Variants in IL1RAPL1 observed in about 807,000 individuals in gnomAD.
The protein encoded by IL1RAPL1 is interleukin-1 receptor accessory protein-like 1.
IL1RAPL1 carries 3 observed loss-of-function variants against 48.4 expected under a neutral mutation model. That is an observed-to-expected ratio of 0.06 (90% CI 0.03 to 0.16). The LOEUF (loss-of-function observed/expected upper bound fraction) is 0.16. Ranked by LOEUF, IL1RAPL1 falls within the 10% of genes least tolerant of loss-of-function variation. IL1RAPL1 has a pLI of 1.00. For synonymous variants in IL1RAPL1, 185 were observed against 187.7 expected (o/e 0.99, Z 0.12); for missense variants, 349 against 530.6 (o/e 0.66, Z 3.36).
intron 3 of IL1RAPL1, among the ~76,000 whole-genome samples, chrX:29,344,616 G>C (rs1452491619): frequency 9.0e-6 from 1 of 111,474 alleles, no homozygotes; most frequent in African/African-American, 3.3e-5. Flanking sequence ...AACTTCTCCA[G>C]AGGTAACCAT....
At chrX:29,455,988 C>T (rs998943959) in intron 5 of IL1RAPL1, among the ~76,000 whole-genome samples, 4 of 110,197 alleles carry the variant, frequency 3.6e-5, no homozygotes, top group South Asian at 7.6e-4. Flanking sequence ...AGTGAAACAC[C>T]GAAAATTGGA....
At chrX:28,890,688 A>G (rs1922748977) in intron 2 of IL1RAPL1, among the ~76,000 whole-genome samples, 1 of 111,973 alleles carries the variant, frequency 8.9e-6, no homozygotes, top group Admixed American at 9.5e-5. Context: ...GGTACTTTCT[A>G]CAGAACCATT....
intron 3 of IL1RAPL1, among the ~76,000 whole-genome samples, chrX:29,383,995 T>C (rs1933744230): frequency 1.8e-5 from 2 of 112,360 alleles, no homozygotes; most frequent in African/African-American, 6.5e-5. Context: ...TTATTTGTAA[T>C]ATTTGCAAAT....
At chrX:29,809,274 T>TTC (rs1930328074) in intron 6 of IL1RAPL1, among the ~76,000 whole-genome samples, 1 of 101,297 alleles carries the variant, frequency 9.9e-6, no homozygotes, top group Non-Finnish European at 2.0e-5. Context: ...TTTTTTGCAT[T>TTC]TTTTTTTTTT....
chrX:29,548,615 G>A (rs1320390596), intron 5 of IL1RAPL1, among the ~76,000 whole-genome samples: 2 of 111,853 alleles, frequency 1.8e-5, no homozygotes, highest in African/African-American at 6.5e-5. Flanking sequence ...TTATCAGCAT[G>A]AATCTTTACT....
At chrX:29,782,887 C>CTTTTTTTTTTTTTTTTTTTT (rs1569167260) in intron 6 of IL1RAPL1, among the ~76,000 whole-genome samples, 2 of 59,856 alleles carry the variant, frequency 3.3e-5, no homozygotes, top group African/African-American at 1.3e-4. Flanking sequence ...TTGATCGTGA[C>CTTTTTTTTTTTTTTTTTTTT]ATTTTTTTTT....
At chrX:29,743,258 A>C (rs868759499) in intron 6 of IL1RAPL1, among the ~76,000 whole-genome samples, 12 of 107,294 alleles carry the variant, frequency 1.1e-4, no homozygotes, top group African/African-American at 4.0e-4. Context: ...ATATATCATA[A>C]ATTTCTATAT....
intron 2 of IL1RAPL1, among the ~76,000 whole-genome samples, chrX:29,158,890 CTTTTCTT>C (rs1929619167): frequency 1.1e-5 from 1 of 93,419 alleles, no homozygotes; most frequent in African/African-American, 4.8e-5. Flanking sequence ...CAACCTCTTT[CTTTTCTT>C]TTTTCTTTTC....
intron 2 of IL1RAPL1, among the ~76,000 whole-genome samples, chrX:29,276,485 G>T (rs1569596): frequency 0.027 from 3,000 of 110,351 alleles, 106 homozygotes; most frequent in African/African-American, 0.093. Flanking sequence ...TTAATTATCA[G>T]GGTTAAAAAT....
chrX:28,661,199 A>T (rs1392530238), intron 1 of IL1RAPL1, among the ~76,000 whole-genome samples: 2 of 112,279 alleles, frequency 1.8e-5, no homozygotes, highest in East Asian at 2.8e-4. Context: ...ATTTATTTTT[A>T]AAAAACTACC....
intron 5 of IL1RAPL1, among the ~76,000 whole-genome samples, chrX:29,517,935 T>C (rs1022944326): frequency 8.9e-6 from 1 of 112,020 alleles, no homozygotes; most frequent in African/African-American, 3.2e-5. Flanking sequence ...TGTTAAAATA[T>C]TGAAGATCTT....
At chrX:29,832,711 T>G (rs182349959) in intron 6 of IL1RAPL1, among the ~76,000 whole-genome samples, 3,053 of 106,333 alleles carry the variant, frequency 0.029, 118 homozygotes, top group African/African-American at 0.098. Context: ...TTTTGTTTTT[T>G]TTTTTTTTTG....
intron 5 of IL1RAPL1, among the ~76,000 whole-genome samples, chrX:29,405,014 A>G (rs1934038705): frequency 9.1e-6 from 1 of 109,675 alleles, no homozygotes; most frequent in African/African-American, 3.3e-5. Flanking sequence ...CCTGGGTTCA[A>G]GTAATTCTCC....
chrX:29,416,446 G>A (rs868703113), intron 5 of IL1RAPL1, among the ~76,000 whole-genome samples: 1 of 110,855 alleles, frequency 9.0e-6, no homozygotes, highest in Admixed American at 9.7e-5. Flanking sequence ...CGAGGCATGA[G>A]AATCACTTGA....
At position 29,727,914 on chromosome X, in the gene IL1RAPL1, A is replaced by G. The variant is rs889098636; in HGVS notation, c.778+59410A>G. Among the ~76,000 whole-genome samples the G allele has an allele frequency of 6.3e-5, 7 of 111,017 alleles. No individual in the cohort carries two copies. The Admixed American group carries it at 6.7e-4, about 11-fold the overall frequency. ...ACTACATTAAAAAAATGAGTCCACT[A>G]TTCTTATTCTTCTTCTTGTTATTTA... On this transcript the variant is annotated intron_variant, in intron 6 of 10. Coordinates refer to ENST00000378993, the MANE Select transcript of IL1RAPL1 (RefSeq NM_014271.4).
At chrX:29,560,202 G>A (rs1228374573) in intron 5 of IL1RAPL1, among the ~76,000 whole-genome samples, 1 of 111,157 alleles carries the variant, frequency 9.0e-6, no homozygotes, top group African/African-American at 3.3e-5. Flanking sequence ...CTTGTACTCC[G>A]GATATATAAT....
intron 2 of IL1RAPL1, among the ~76,000 whole-genome samples, chrX:29,263,869 C>CCCCCT (rs1555983146): frequency 1.0e-5 from 1 of 99,851 alleles, no homozygotes; most frequent in African/African-American, 3.7e-5. Flanking sequence ...CTCCCCCCCC[C>CCCCCT]CCGCTCTCAT....
chrX:29,357,463 A>G (rs1019216410), intron 3 of IL1RAPL1, among the ~76,000 whole-genome samples: 9 of 112,365 alleles, frequency 8.0e-5, no homozygotes, highest in Admixed American at 9.5e-5. Flanking sequence ...GAAAAACAAA[A>G]AAGAATATGA....
chrX:29,934,775 C>T (rs769711099), intron 8 of IL1RAPL1, among the ~76,000 whole-genome samples: 1 of 111,616 alleles, frequency 9.0e-6, no homozygotes, highest in Non-Finnish European at 1.9e-5. Flanking sequence ...ATGTGAATCC[C>T]CTAAAAACAA....
Sources: gnomAD v4.1 joint callset for allele counts (sites outside exome capture counted in the v4.1 genomes callset) on GRCh38, gnomAD v4.1.1 for gene constraint, MANE v1.5 for transcripts, NCBI Gene and HGNC (gene_info 2026-07-23, HGNC 2026-07-21) for gene names.